Variants in RB1CC1 observed in about 807,000 individuals in gnomAD.
RB1CC1 encodes RB1 inducible coiled-coil 1, also known as RB1-inducible coiled-coil protein 1.
A neutral mutation model predicts 177.5 loss-of-function variants in RB1CC1; 46 were observed. That is an observed-to-expected ratio of 0.26 (90% CI 0.20 to 0.33). The LOEUF is 0.33. Ranked by LOEUF, RB1CC1 falls within the 10% of genes least tolerant of loss-of-function variation. RB1CC1 has a pLI of 1.00. For synonymous variants in RB1CC1, 666 were observed against 613.6 expected (o/e 1.09, Z -1.26); for missense variants, 1,703 against 1,816.3 (o/e 0.94, Z 1.13).
rs1156479068 is a variant in RB1CC1, at chr8:52,656,983, T to C, written c.2846A>G (p.Lys949Arg). ...TATTTCTCGTGACTGCTTCAGTTCTTTAATTTCACAATTTTGAGAGTGCAT... is the reference window on the plus strand; with the variant it reads ...TATTTCTCGTGACTGCTTCAGTTCTCTAATTTCACAATTTTGAGAGTGCAT... ...NIMHSQNCEI[K>R]ELKQSREIVL... The change falls in exon 15 of 24, where the codon AAA becomes AGA. Residue 949 changes from lysine to arginine, a missense_variant. Lys to Arg is a conservative substitution (Grantham distance 26, BLOSUM62 2). This residue lies in a region of RB1CC1 where 1,169 missense variants were observed against 1,184.7 expected (regional missense o/e 0.99). Transcript: ENST00000025008. 6.2e-7 allele frequency: 1 copy of C among 1,613,816 alleles called. No homozygotes were observed. The highest frequency in any genetic ancestry group is 1.1e-5 in the South Asian group (1 of 91,076).
intron 1 of RB1CC1, among the ~76,000 whole-genome samples, chr8:52,690,204 G>A (rs987443918): frequency 6.6e-5 from 10 of 152,156 alleles, no homozygotes; most frequent in African/African-American, 2.4e-4. Flanking sequence ...AAATCCAAAA[G>A]CATAGGCTTT....
At chr8:52,702,729 GA>G (rs1363670086) in intron 1 of RB1CC1, among the ~76,000 whole-genome samples, 1 of 151,468 alleles carries the variant, frequency 6.6e-6, no homozygotes, top group Non-Finnish European at 1.5e-5. Flanking sequence ...AAAAGAAGAA[GA>G]AAAAAATGTA....
chr8:52,628,164 G>C lies in RB1CC1; in HGVS notation c.4504C>G (p.Gln1502Glu). 2 of 1,607,266 alleles carry C rather than the reference G, an allele frequency of 1.2e-6. No individual in the cohort carries two copies. The highest frequency in any genetic ancestry group is 1.7e-6 in the Non-Finnish European group (2 of 1,176,394). ...ATGATGAGTACCAAATCTCCCACCT[G>C]AAAACTGAATAAAGAAATGCAATTT... The part of the protein sequence containing the change: ...HSEKIAIRDF[Q>E]VGDLVLIILD... The change falls in exon 22 of 24, where the codon CAG becomes GAG. Residue 1502 changes from glutamine to glutamate, a missense_variant. Transcript: ENST00000025008.
At chr8:52,685,002 CTTTTTT>C (rs34656821) in intron 3 of RB1CC1, among the ~76,000 whole-genome samples, 2 of 130,280 alleles carry the variant, frequency 1.5e-5, no homozygotes, top group Non-Finnish European at 1.7e-5. Flanking sequence ...ATTATGTGAC[CTTTTTT>C]TTTTTTTTTT....
intron 1 of RB1CC1, among the ~76,000 whole-genome samples, chr8:52,692,958 GA>G (rs1042669045): frequency 4.6e-5 from 7 of 152,176 alleles, no homozygotes; most frequent in Non-Finnish European, 5.9e-5. Flanking sequence ...GTCCATAAAT[GA>G]AAAGGTGATC....
At chr8:52,684,044 G>T in intron 3 of RB1CC1, 31 bp from the exon 4 acceptor site, 1 of 1,590,576 alleles carries the variant, frequency 6.3e-7, no homozygotes, top group Non-Finnish European at 8.5e-7. Context: ...TAAATCAGTT[G>T]TTTATATTTG....
intron 1 of RB1CC1, among the ~76,000 whole-genome samples, chr8:52,699,675 T>A (rs1415772753): frequency 1.4e-5 from 2 of 147,198 alleles, no homozygotes; most frequent in African/African-American, 5.0e-5. Flanking sequence ...CAAAATTAGC[T>A]GGGCATGGTG....
At position 52,627,490 on chromosome 8, in the gene RB1CC1, G is replaced by T. The variant is rs191088947; in HGVS notation, c.4636+542C>A. 1.1e-3 allele frequency among the ~76,000 whole-genome samples: 161 copies of T among 152,180 alleles called. 3 individuals are homozygous for T. Among genetic ancestry groups the T allele is most frequent in the African/African-American group, 3.7e-3 (155 of 41,510 alleles). The stretch of plus-strand genomic sequence containing the variant: ...ATTCTACTTAGGCTAAGTACACCAG[G>T]ATATCTATTCTGTTCTTTTTTAGTA... On this transcript the variant is annotated intron_variant, in intron 22 of 23. Transcript: ENST00000025008.
chr8:52,681,592 T>C (rs1279875650), intron 5 of RB1CC1, among the ~76,000 whole-genome samples: 1 of 152,134 alleles, frequency 6.6e-6, no homozygotes, highest in Non-Finnish European at 1.5e-5. Context: ...ATTTGTTTTA[T>C]AAATCTGAAA....
intron 5 of RB1CC1, among the ~76,000 whole-genome samples, chr8:52,682,913 A>G (rs967830125): frequency 1.3e-5 from 2 of 152,182 alleles, no homozygotes; most frequent in Non-Finnish European, 2.9e-5. Flanking sequence ...CAAATCTCTA[A>G]GAGTTTTACT....
chr8:52,659,000 T>C (rs971522235), intron 12 of RB1CC1, 24 bp from the exon 13 acceptor site: 8 of 1,403,846 alleles, frequency 5.7e-6, no homozygotes, highest in Middle Eastern at 2.5e-4. Context: ...ATTAATTACT[T>C]AAAAAATTTT....
chr8:52,693,737 C>T (rs769645896), intron 1 of RB1CC1, among the ~76,000 whole-genome samples: 13 of 151,712 alleles, frequency 8.6e-5, no homozygotes, highest in Non-Finnish European at 1.2e-4. Context: ...TATAGACACA[C>T]GGGGGTAGGA....
chr8:52,632,719 G>A (rs1215128923), intron 20 of RB1CC1, among the ~76,000 whole-genome samples: 1 of 152,224 alleles, frequency 6.6e-6, no homozygotes, highest in East Asian at 1.9e-4. Flanking sequence ...AAATCACTAA[G>A]GAAAAGGGAG....
intron 1 of RB1CC1, among the ~76,000 whole-genome samples, chr8:52,699,880 C>G (rs111898378): frequency 1.1e-4 from 11 of 98,324 alleles, no homozygotes; most frequent in African/African-American, 4.2e-4. Flanking sequence ...CAAAAGAAAG[C>G]TTATAGAACA....
At chr8:52,694,516 T>C (rs1855200305) in intron 1 of RB1CC1, among the ~76,000 whole-genome samples, 1 of 152,204 alleles carries the variant, frequency 6.6e-6, no homozygotes, top group African/African-American at 2.4e-5. Flanking sequence ...CTATACATCA[T>C]AGCCTCAATT....
chr8:52,651,534 CACATTCAGAGGACAAGTGA>C (rs1192512384), intron 15 of RB1CC1, among the ~76,000 whole-genome samples: 1 of 152,206 alleles, frequency 6.6e-6, no homozygotes, highest in African/African-American at 2.4e-5. Context: ...GTTAACCAAA[CACATTCAGAGGACAAGTGA>C]AGTCAGAACT....
chr8:52,679,587 A>G (rs1464358875), intron 5 of RB1CC1, among the ~76,000 whole-genome samples: 2 of 152,180 alleles, frequency 1.3e-5, no homozygotes, highest in Non-Finnish European at 2.9e-5. Context: ...AAATGTATAA[A>G]AGCAAACTGT....
chr8:52,690,209 GGCTTTATCTTACA>G (rs1251841465), intron 1 of RB1CC1, among the ~76,000 whole-genome samples: 1 of 152,136 alleles, frequency 6.6e-6, no homozygotes, highest in Non-Finnish European at 1.5e-5. Flanking sequence ...CAAAAGCATA[GGCTTTATCTTACA>G]GCTTTATCTT....
intron 8 of RB1CC1, among the ~76,000 whole-genome samples, chr8:52,664,050 T>C (rs184485375): frequency 1.5e-3 from 223 of 152,314 alleles, no homozygotes; most frequent in Admixed American, 4.3e-3. Flanking sequence ...TCAGGAAAGT[T>C]TGGCTGAGGA....
Sources: gnomAD v4.1 joint callset for allele counts (sites outside exome capture counted in the v4.1 genomes callset) on GRCh38, gnomAD v4.1.1 for gene constraint, gnomAD v4.1.1 regional missense constraint, MANE v1.5 for transcripts, NCBI Gene and HGNC (gene_info 2026-07-23, HGNC 2026-07-21) for gene names.